The following ATXN2 variants were observed in gnomAD, a reference collection of about 807,000 sequenced individuals.
The protein encoded by ATXN2 is ataxin-2.
A neutral mutation model predicts 138.6 loss-of-function variants in ATXN2; 37 were observed. The observed-to-expected ratio is 0.27, with a 90% CI of 0.21 to 0.35. The LOEUF is 0.35. Ranked by LOEUF, ATXN2 falls within the 10% of genes least tolerant of loss-of-function variation. ATXN2 has a pLI of 1.00. For synonymous variants in ATXN2, 549 were observed against 543.7 expected, an observed-to-expected ratio of 1.01 and a Z score of -0.13; for missense variants, 1,216 against 1,480.3, an observed-to-expected ratio of 0.82 and a Z score of 2.93.
intron 1 of ATXN2, among the ~76,000 whole-genome samples, chr12:111,577,519 C>T (rs947610128): frequency 6.6e-6 from 1 of 152,082 alleles, no homozygotes; most frequent in Non-Finnish European, 1.5e-5. Flanking sequence ...CCCGCCTCGG[C>T]CTCCCAAAGT....
rs758467561 is a variant in ATXN2, at chr12:111,591,526, C to G, written c.251+7258G>C. 2.0e-5 allele frequency among the ~76,000 whole-genome samples: 3 copies of G among 152,068 alleles called. No homozygotes were observed. In the South Asian group the frequency reaches 6.2e-4, roughly 32 times the overall value. ...CTCTACAAAAAATTTAAATGTTAGCCAGCTGGTGTACACCTGTAGTTCCAG... is the reference window on the plus strand; with the variant it reads ...CTCTACAAAAAATTTAAATGTTAGCGAGCTGGTGTACACCTGTAGTTCCAG... On this transcript the variant is annotated intron_variant, in intron 1 of 24. Transcript: ENST00000673436.
At chr12:111,455,817 A>G (rs1875044813) in intron 23 of ATXN2, 2 of 620,566 alleles carry the variant, frequency 3.2e-6, no homozygotes, top group South Asian at 1.9e-5. Flanking sequence ...TTGGAAAACT[A>G]AAGGACTGAC....
intron 1 of ATXN2, among the ~76,000 whole-genome samples, chr12:111,563,546 T>G (rs1592905082): frequency 6.6e-6 from 1 of 152,138 alleles, no homozygotes; most frequent in African/African-American, 2.4e-5. Flanking sequence ...GTCTCTCATA[T>G]GTTTAATAAG....
rs1466133141 is a variant in ATXN2 at position 111,598,621 on chromosome 12, C to A, written c.251+163G>T. The A allele has an allele frequency of 1.0e-6, 1 of 953,568 alleles. No individual in the cohort carries two copies. Among genetic ancestry groups the A allele is most frequent in the Non-Finnish European group, 1.3e-6 (1 of 799,716 alleles). The allele number at this position is 953,568 out of a possible 1,614,324, so 59.1% of individuals were successfully genotyped here. The stretch of plus-strand genomic sequence containing the variant: ...CCCAGAGGACCCCGGCTGCGCCCAC[C>A]GGCCGAGCCTCGGGGCTCAGGCCCG... On this transcript the variant is annotated intron_variant, in intron 1 of 24. Coordinates refer to ENST00000673436, the MANE Select transcript of ATXN2 (RefSeq NM_001372574.1). The surrounding 1 kb of genome is among the most constrained non-coding windows in gnomAD (Gnocchi z 4.5).
At chr12:111,500,543 C>A (rs777790441) in intron 14 of ATXN2, among the ~76,000 whole-genome samples, 59 of 152,044 alleles carry the variant, frequency 3.9e-4, no homozygotes, top group Admixed American at 9.8e-4. Flanking sequence ...CTCTGCAGGA[C>A]CGGAGGCAGA....
intron 5 of ATXN2, among the ~76,000 whole-genome samples, chr12:111,536,791 T>G (rs909882155): frequency 1.4e-5 from 2 of 147,544 alleles, no homozygotes; most frequent in Non-Finnish European, 3.0e-5. Flanking sequence ...TTTTTTTTTT[T>G]TTTTTTTTTT....
At chr12:111,592,082 A>G (rs1884695464) in intron 1 of ATXN2, among the ~76,000 whole-genome samples, 1 of 148,786 alleles carries the variant, frequency 6.7e-6, no homozygotes, top group Non-Finnish European at 1.5e-5. Context: ...TGTCTCAAAA[A>G]AAAAAAAAAC....
rs1052138980 is a variant in ATXN2, at chr12:111,466,424, G to A, written c.2843-1709C>T. ...GCTGAGGTAGGAGAATGGCGTGAAC[G>A]CAGGAGGCGGAGCGTGCAGTGAGCT... On this transcript the variant is annotated intron_variant, in intron 20 of 24. Transcript: ENST00000673436. 5.3e-4 allele frequency among the ~76,000 whole-genome samples: 78 copies of A among 147,542 alleles called. 1 individual carries two copies. The highest frequency in any genetic ancestry group is 3.9e-4 in the Non-Finnish European group (26 of 66,646).
chr12:111,544,609 T>C (rs182477088), intron 5 of ATXN2, among the ~76,000 whole-genome samples: 3 of 152,200 alleles, frequency 2.0e-5, no homozygotes, highest in African/African-American at 4.8e-5. Context: ...GTGTGTCATG[T>C]GGCAAGAGCA....
At position 111,453,021 on chromosome 12, in the gene ATXN2, C is replaced by G. The variant is rs572795323; in HGVS notation, c.3440-181G>C. The G allele has an allele frequency of 5.3e-6, 7 of 1,315,402 alleles. No homozygotes were observed. In the South Asian group the frequency reaches 1.6e-4, roughly 30 times the overall value. The allele number at this position is 1,315,402 out of a possible 1,614,324, so 81.5% of individuals were successfully genotyped here. A position where few individuals can be genotyped will look rare whatever the true frequency, so the allele number is the denominator to read the frequency against. On this transcript the variant is annotated intron_variant, in intron 24 of 24. Transcript: ENST00000673436. This position sits in a 1 kb window ranked among gnomAD's most constrained non-coding sequence, Gnocchi z 5.4. ...GGAGGGTTGGGTGGGTGGGTAGAAA[C>G]AAACCAGTCAGACGTAAAACCACTT...
At chr12:111,460,245 TG>T (rs1166243994) in intron 21 of ATXN2, among the ~76,000 whole-genome samples, 2 of 152,130 alleles carry the variant, frequency 1.3e-5, no homozygotes, top group African/African-American at 4.8e-5. Context: ...CTAACTTTTT[TG>T]TATTTTTAGT....
At chr12:111,472,296 GA>G (rs1171228228) in intron 18 of ATXN2, among the ~76,000 whole-genome samples, 14 of 152,064 alleles carry the variant, frequency 9.2e-5, no homozygotes, top group African/African-American at 3.4e-4. Flanking sequence ...GACAGGAGGG[GA>G]AGAAAAGAAA....
intron 14 of ATXN2, among the ~76,000 whole-genome samples, chr12:111,504,058 T>C (rs1878953063): frequency 6.6e-6 from 1 of 152,224 alleles, no homozygotes; most frequent in East Asian, 1.9e-4. Context: ...TCTTGGAATT[T>C]AAGTCAAGCA....
At chr12:111,540,241 C>T (rs1283253481) in intron 5 of ATXN2, among the ~76,000 whole-genome samples, 3 of 150,142 alleles carry the variant, frequency 2.0e-5, no homozygotes, top group Non-Finnish European at 4.5e-5. Flanking sequence ...CCATCCAAGA[C>T]AAGAGAAAAA....
intron 21 of ATXN2, among the ~76,000 whole-genome samples, chr12:111,462,818 CTACTATCTTTTA>C (rs1593097802): frequency 2.0e-5 from 3 of 152,180 alleles, no homozygotes; most frequent in East Asian, 1.9e-4. Flanking sequence ...ATAAAATCAC[CTACTATCTTTTA>C]CACACTACAA....
intron 1 of ATXN2, among the ~76,000 whole-genome samples, chr12:111,589,013 A>C (rs1388098603): frequency 7.3e-6 from 1 of 136,242 alleles, no homozygotes; most frequent in South Asian, 2.2e-4. Context: ...AAAAAAAAAA[A>C]AAAAAAAAAA....
At position 111,598,802 on chromosome 12, in the gene ATXN2, CCGCCGCCGGAGGTCGCCG is replaced by C; in HGVS notation, c.215_232del (p.Ala72_Gly77del). On this transcript the variant is annotated inframe_deletion, in exon 1 of 25. Coordinates refer to ENST00000673436, the MANE Select transcript of ATXN2 (RefSeq NM_001372574.1). The surrounding 1 kb of genome is among the most constrained non-coding windows in gnomAD (Gnocchi z 4.5). ...CACCCACCTGCCCAGGCCGGGCCTC[CCGCCGCCGGAGGTCGCCG>C]CGACCACCGAGGAGGGAGCCGTGGC... 1 of 1,398,426 alleles carries C rather than the reference CCGCCGCCGGAGGTCGCCG, an allele frequency of 7.2e-7. No individual in the cohort carries two copies. Among genetic ancestry groups the C allele is most frequent in the Non-Finnish European group, 9.2e-7 (1 of 1,084,012 alleles). The allele number at this position is 1,398,426 out of a possible 1,614,324, so 86.6% of individuals were successfully genotyped here.
At position 111,491,782 on chromosome 12, in the gene ATXN2, G is replaced by A. The variant is rs186632862; in HGVS notation, c.1936-3002C>T. On this transcript the variant is annotated intron_variant, in intron 14 of 24. Transcript: ENST00000673436. ...TTGTGCCAGCTTCAGATATGACCCC[G>A]CACATTCACAGCTGTGGTGTCCATG... Among the ~76,000 whole-genome samples the A allele has an allele frequency of 6.9e-4, 105 of 152,278 alleles. 1 individual carries two copies. The highest frequency in any genetic ancestry group is 2.3e-3 in the African/African-American group (94 of 41,572).
intron 1 of ATXN2, among the ~76,000 whole-genome samples, chr12:111,584,938 G>A (rs913999906): frequency 2.6e-5 from 4 of 152,016 alleles, no homozygotes; most frequent in Non-Finnish European, 4.4e-5. Context: ...GCAACTAAGA[G>A]CGAAACTCCA....
Sources: gnomAD v4.1 joint callset for allele counts (sites outside exome capture counted in the v4.1 genomes callset) on GRCh38, gnomAD v4.1.1 for gene constraint, Gnocchi (gnomAD v3.1) non-coding constraint, MANE v1.5 for transcripts, NCBI Gene and HGNC (gene_info 2026-07-23, HGNC 2026-07-21) for gene names.